SLC9A8: variants seen among roughly 807,000 people sequenced by gnomAD.
SLC9A8 encodes the protein solute carrier family 9 member A8, also known as sodium/hydrogen exchanger 8.
In SLC9A8, 48 loss-of-function variants were observed where a neutral mutation model predicts 66.6. The ratio of observed to expected loss-of-function variants is 0.72; its 90% confidence interval spans 0.57 to 0.92. The LOEUF is 0.92. Ranked by LOEUF, SLC9A8 falls within the 40% of genes least tolerant of loss-of-function variation. SLC9A8 has a pLI of 0.00. For missense variants in SLC9A8, 599 were observed against 747.3 expected, an observed-to-expected ratio of 0.80 and a Z score of 2.31; for synonymous variants, 274 against 282.6, an observed-to-expected ratio of 0.97 and a Z score of 0.31.
intron 4 of SLC9A8, among the ~76,000 whole-genome samples, chr20:49,842,468 G>A (rs556771206): frequency 1.3e-5 from 2 of 152,346 alleles, no homozygotes; most frequent in Admixed American, 6.5e-5. Flanking sequence ...GCCTGCTGAA[G>A]CATCAGAGGT....
At chr20:49,862,849 C>G in intron 8 of SLC9A8, 80 bp from the exon 9 acceptor site, 1 of 1,165,732 alleles carries the variant, frequency 8.6e-7, no homozygotes, top group Non-Finnish European at 1.2e-6. Context: ...AGCGAATAAG[C>G]AAGAAATGTT....
intron 9 of SLC9A8, 25 bp downstream of exon 9, chr20:49,863,092 G>A: frequency 6.3e-7 from 1 of 1,589,856 alleles, no homozygotes; most frequent in Non-Finnish European, 8.6e-7. Flanking sequence ...TGATGAACAT[G>A]CAGGGTTAAA....
chr20:49,860,161 G>A (rs886422737), intron 8 of SLC9A8, among the ~76,000 whole-genome samples: 2 of 152,140 alleles, frequency 1.3e-5, no homozygotes, highest in East Asian at 3.8e-4. Flanking sequence ...GCCTTCAAAA[G>A]CACTTTTCCA....
At position 49,857,880 on chromosome 20, in the gene SLC9A8, T is replaced by C. The variant is rs149468995; in HGVS notation, c.713+2299T>C. On this transcript the variant is annotated intron_variant, in intron 8 of 15. Transcript: ENST00000361573. ...TCCTTTGCAGGAGGAGCTTACCAAA[T>C]ACTGCCTGATGGCAAGAGGTGCTCA... is the stretch of plus-strand genomic sequence containing the variant. Among the ~76,000 whole-genome samples the C allele has an allele frequency of 4.3e-3, 648 of 152,298 alleles. 3 individuals carry two copies. The highest frequency in any genetic ancestry group is 0.015 in the African/African-American group (626 of 41,560).
chr20:49,841,033 G>A (rs971891540), intron 4 of SLC9A8, among the ~76,000 whole-genome samples: 12 of 151,962 alleles, frequency 7.9e-5, no homozygotes, highest in African/African-American at 2.4e-4. Context: ...GGGCGGGTGC[G>A]GTGGCTCATG....
At chr20:49,869,843 TAAAATA>T (rs2089144228) in intron 10 of SLC9A8, among the ~76,000 whole-genome samples, 2 of 144,666 alleles carry the variant, frequency 1.4e-5, no homozygotes, top group East Asian at 2.1e-4. Flanking sequence ...AAAAAAAAAA[TAAAATA>T]AAAATAAAAA....
Position 49,830,296 on chromosome 20 carries a change from A to T in SLC9A8, c.289+7155A>T, listed in dbSNP as rs1265451516. The stretch of plus-strand genomic sequence containing the variant: ...GTCTCTAACTTGCTAAAAATGGGTC[A>T]CACAGTGACTGTCTGGAACCGCACT... On this transcript the variant is annotated intron_variant, in intron 3 of 15. Coordinates refer to ENST00000361573, the MANE Select transcript of SLC9A8 (RefSeq NM_015266.3). The T allele has an allele frequency of 7.8e-6, 9 of 1,146,504 alleles. No individual in the cohort carries two copies. In the East Asian group the frequency reaches 1.9e-4, roughly 24 times the overall value. The allele number at this position is 1,146,504 out of a possible 1,614,324, so 71.0% of individuals were successfully genotyped here.
Position 49,883,991 on chromosome 20 carries a change from C to T in SLC9A8, c.1416C>T (p.Arg472=), listed in dbSNP as rs1465344329. The change falls in exon 14 of 16, where the codon CGC becomes CGT. Residue 472 remains arginine (R), a synonymous_variant. Coordinates refer to ENST00000361573, the MANE Select transcript of SLC9A8 (RefSeq NM_015266.3). ...GCGGCAGCACCATGCCCCTCATTCGCCTCATGGACATCGAGGACGCCAAGG... is the reference window on the plus strand; with the variant it reads ...GCGGCAGCACCATGCCCCTCATTCGTCTCATGGACATCGAGGACGCCAAGG... The part of the protein sequence containing the change: ...LLGGSTMPLI[R]LMDIEDAKAH... 6.2e-7 allele frequency: 1 copy of T among 1,613,570 alleles called. No individual in the cohort carries two copies. The highest frequency in any genetic ancestry group is 8.5e-7 in the Non-Finnish European group (1 of 1,180,012).
At position 49,842,974 on chromosome 20, in the gene SLC9A8, G is replaced by A. The variant is rs117179347; in HGVS notation, c.349-2062G>A. 5.7e-3 allele frequency among the ~76,000 whole-genome samples: 862 copies of A among 152,204 alleles called. 3 individuals carry two copies. Among genetic ancestry groups the A allele is most frequent in the Admixed American group, 9.6e-3 (147 of 15,278 alleles). On this transcript the variant is annotated intron_variant, in intron 4 of 15. Coordinates refer to ENST00000361573, the MANE Select transcript of SLC9A8 (RefSeq NM_015266.3). ...GTGCTCACATGGCATTCTTCTCCAC[G>A]TGTCTATGTGCCTTGTTCTGTCTCT... is the stretch of plus-strand genomic sequence containing the variant.
rs1600834833 is a variant in SLC9A8 at position 49,887,814 on chromosome 20, T to C, written c.1639-15T>C. On this transcript the variant is annotated splice_polypyrimidine_tract_variant and intron_variant, in intron 15 of 15. Coordinates refer to ENST00000361573, the MANE Select transcript of SLC9A8 (RefSeq NM_015266.3). ...CCCTGACGCCCTGACGGCTTGGTTG[T>C]GTCTCTCGACCCAGGACCTGCACCA... is the stretch of plus-strand genomic sequence containing the variant. The C allele has an allele frequency of 6.4e-7, 1 of 1,574,084 alleles. No individual in the cohort carries two copies. Among genetic ancestry groups the C allele is most frequent in the Non-Finnish European group, 8.6e-7 (1 of 1,156,178 alleles).
rs1399314257 is a variant in SLC9A8 at position 49,834,384 on chromosome 20, C to G, written c.290-5157C>G. Among the ~76,000 whole-genome samples, 9 of 36,700 alleles carry G rather than the reference C, an allele frequency of 2.5e-4. 1 individual carries two copies. Among genetic ancestry groups the G allele is most frequent in the Non-Finnish European group, 2.9e-4 (6 of 20,674 alleles). The allele number at this position is 36,700 out of a possible 152,430, so 24.1% of individuals were successfully genotyped here. ...TATATACTGTGTATATATATATATA[C>G]TGTGTATATATATATACTGTGTATA... On this transcript the variant is annotated intron_variant, in intron 3 of 15. Transcript: ENST00000361573.
rs997764782 is a variant in SLC9A8 at position 49,886,662 on chromosome 20, C to T, written c.1492-90C>T. The T allele has an allele frequency of 6.7e-7, 1 of 1,483,228 alleles. No individual in the cohort carries two copies. Among genetic ancestry groups the T allele is most frequent in the Non-Finnish European group, 9.2e-7 (1 of 1,090,162 alleles). 91.9% of individuals were successfully genotyped at this position (1,483,228 alleles called of 1,614,324 possible). ...TCAAGTGGAGTTAGGGTTGGGGACA[C>T]TGGCGGCCTGGGTGGTGTGGGGGCT... On this transcript the variant is annotated intron_variant, in intron 14 of 15. Coordinates refer to ENST00000361573, the MANE Select transcript of SLC9A8 (RefSeq NM_015266.3). The surrounding 1 kb of genome is among the most constrained non-coding windows in gnomAD (Gnocchi z 4.8).
At chr20:49,871,934 G>A (rs564391486) in intron 10 of SLC9A8, among the ~76,000 whole-genome samples, 1 of 152,330 alleles carries the variant, frequency 6.6e-6, no homozygotes, top group South Asian at 2.1e-4. Flanking sequence ...GTCCATGTTA[G>A]ATCCTCAGTC....
intron 11 of SLC9A8, among the ~76,000 whole-genome samples, chr20:49,876,212 C>T (rs1381422147): frequency 1.3e-5 from 2 of 152,064 alleles, no homozygotes; most frequent in Admixed American, 6.6e-5. Context: ...TATTCCTGGG[C>T]CAGAGGGTAT....
intron 9 of SLC9A8, among the ~76,000 whole-genome samples, chr20:49,864,333 ATGT>A (rs1288913517): frequency 6.6e-6 from 1 of 152,090 alleles, no homozygotes; most frequent in Non-Finnish European, 1.5e-5. Flanking sequence ...ATCTCATCCG[ATGT>A]TGTTGGAGGA....
At chr20:49,878,988 A>G (rs1230995859) in intron 12 of SLC9A8, among the ~76,000 whole-genome samples, 2 of 151,882 alleles carry the variant, frequency 1.3e-5, no homozygotes, top group East Asian at 3.9e-4. Context: ...TGCCATTTGC[A>G]CCCCAGCCTG....
In SLC9A8 at chr20:49,862,957, A is replaced by T. The variant is rs1020416605; in HGVS notation, c.742A>T (p.Met248Leu). 2.5e-6 allele frequency: 4 copies of T among 1,613,212 alleles called. No individual in the cohort carries two copies. The highest frequency in any genetic ancestry group is 2.7e-5 in the African/African-American group (2 of 74,926). Residue 248 changes from methionine to leucine, a missense_variant, in exon 9 of 16, where the codon ATG becomes TTG. Around this residue, in one of 2 missense-constraint regions of SLC9A8, gnomAD observed 467 missense variants for 626.5 expected, o/e 0.75. Transcript: ENST00000361573. The part of the protein sequence containing the change: ...NTAEGLTRKN[M>L]SDVSGWQTFL... The stretch of plus-strand genomic sequence containing the variant: ...AGCTGAAGGTTTAACAAGAAAAAAT[A>T]TGTCAGATGTCAGTGGGTGGCAAAC...
chr20:49,850,784 G>T, intron 6 of SLC9A8, 26 bp from the exon 7 acceptor site: 1 of 1,609,322 alleles, frequency 6.2e-7, no homozygotes. Context: ...GTGTGTGTCT[G>T]TGTGTTTGTG....
At chr20:49,834,439 A>ATATATACTG (rs2087439648) in intron 3 of SLC9A8, among the ~76,000 whole-genome samples, 1 of 56,016 alleles carries the variant, frequency 1.8e-5, no homozygotes, top group Non-Finnish European at 4.0e-5. Context: ...TACTGTATAT[A>ATATATACTG]TATATATATA....
Sources: gnomAD v4.1 joint callset for allele counts (sites outside exome capture counted in the v4.1 genomes callset) on GRCh38, gnomAD v4.1.1 for gene constraint, gnomAD v4.1.1 regional missense constraint, Gnocchi (gnomAD v3.1) non-coding constraint, MANE v1.5 for transcripts, NCBI Gene and HGNC (gene_info 2026-07-23, HGNC 2026-07-21) for gene names.